Variants in HTT observed in about 807,000 individuals in gnomAD.
HTT encodes huntingtin.
HTT carries 104 observed loss-of-function variants against 362.3 expected under a neutral mutation model. The observed-to-expected ratio is 0.29, with a 90% CI of 0.24 to 0.34. The LOEUF (loss-of-function observed/expected upper bound fraction) is 0.34. HTT is among the 10% of genes least tolerant of loss of function. The pLI is 1.00. For synonymous variants in HTT, 1,577 were observed against 1,548.7 expected (o/e 1.02, Z -0.43); for missense variants, 3,301 against 3,928.6 (o/e 0.84, Z 4.27).
At chr4:3,196,470 C>G (rs1719261813) in intron 40 of HTT, among the ~76,000 whole-genome samples, 1 of 152,188 alleles carries the variant, frequency 6.6e-6, no homozygotes. Context: ...GGTGTGGTGG[C>G]TCACACCTGT....
intron 35 of HTT, among the ~76,000 whole-genome samples, chr4:3,179,585 T>TCG (rs1293679276): frequency 6.6e-6 from 1 of 151,554 alleles, no homozygotes; most frequent in Admixed American, 6.6e-5. Flanking sequence ...AGAGGGTGCC[T>TCG]CGCGTGTGTG....
chr4:3,204,276 C>T (rs1183534709), intron 42 of HTT, 128 bp downstream of exon 42: 3 of 833,304 alleles, frequency 3.6e-6, no homozygotes, highest in East Asian at 4.9e-5. Context: ...TCCATCGAAA[C>T]TAAATCTAGA....
chr4:3,079,738 A>G (rs909252273), intron 1 of HTT, among the ~76,000 whole-genome samples: 1 of 152,178 alleles, frequency 6.6e-6, no homozygotes, highest in Non-Finnish European at 1.5e-5. Context: ...CTGAATTTCA[A>G]TCTTAAGTGA....
chr4:3,166,885 T>G (rs1026909661), intron 29 of HTT, among the ~76,000 whole-genome samples: 2 of 152,232 alleles, frequency 1.3e-5, no homozygotes, highest in Non-Finnish European at 2.9e-5. Flanking sequence ...CCCCGACCCC[T>G]TGTGCTTCCC....
chr4:3,199,764 A>C lies in HTT; in HGVS notation c.5401A>C (p.Arg1801=). 1 of 1,614,174 alleles carries C rather than the reference A, an allele frequency of 6.2e-7. No individual in the cohort carries two copies. Among genetic ancestry groups the C allele is most frequent in the Non-Finnish European group, 8.5e-7 (1 of 1,180,022 alleles). ...CCGGAGAATCACAGCAGCTGCCACT[A>C]GGCTGTTCCGCAGTGATGGCTGTGG... The part of the protein sequence containing the change: ...MFRRITAAAT[R]LFRSDGCGGS... The change falls in exon 41 of 67, where the codon AGG becomes CGG. Residue 1801 remains arginine (R), a synonymous_variant. Coordinates refer to ENST00000355072, the MANE Select transcript of HTT (RefSeq NM_001388492.1).
At chr4:3,212,740 T>C in intron 49 of HTT, 31 bp downstream of exon 49, 9 of 1,613,314 alleles carry the variant, frequency 5.6e-6, no homozygotes, top group Non-Finnish European at 6.8e-6. Flanking sequence ...TCAGTGTTGC[T>C]GTGGGGAGGG....
intron 29 of HTT, among the ~76,000 whole-genome samples, chr4:3,163,239 C>G (rs765426791): frequency 6.6e-6 from 1 of 152,112 alleles, no homozygotes; most frequent in Non-Finnish European, 1.5e-5. Flanking sequence ...TATTGATTTG[C>G]GTATGTTGAA....
chr4:3,177,844 T>C (rs1019393222), intron 34 of HTT, among the ~76,000 whole-genome samples: 1 of 152,248 alleles, frequency 6.6e-6, no homozygotes, highest in Non-Finnish European at 1.5e-5. Context: ...AAAATTCTTT[T>C]AGTACCTAAA....
At chr4:3,237,946 A>T (rs762478774) in intron 64 of HTT, among the ~76,000 whole-genome samples, 1 of 152,204 alleles carries the variant, frequency 6.6e-6, no homozygotes, top group Non-Finnish European at 1.5e-5. Context: ...ACACATAGGG[A>T]TGTTTGTGGA....
chr4:3,091,882 G>T (rs1207232129), intron 2 of HTT, among the ~76,000 whole-genome samples: 2 of 152,318 alleles, frequency 1.3e-5, no homozygotes, highest in Non-Finnish European at 2.9e-5. Flanking sequence ...TTATATGTCT[G>T]ACCTAGCAGT....
intron 4 of HTT, 73 bp from the exon 5 acceptor site, chr4:3,105,284 T>C: frequency 4.1e-6 from 4 of 981,708 alleles, no homozygotes; most frequent in Non-Finnish European, 6.5e-6. Flanking sequence ...GGAAAGAAAA[T>C]GCTTCGTTTC....
Position 3,099,689 on chromosome 4 carries a change from G to C in HTT, c.468+295G>C, listed in dbSNP as rs574297886. On this transcript the variant is annotated intron_variant, in intron 3 of 66. Transcript: ENST00000355072. ...GAGGTGCTCTGTTGTATGGTTTGGAGGTGGTCTTGTATGGTTTGCAGGTGC... is the reference window on the plus strand; with the variant it reads ...GAGGTGCTCTGTTGTATGGTTTGGACGTGGTCTTGTATGGTTTGCAGGTGC... Among the ~76,000 whole-genome samples the C allele has an allele frequency of 1.9e-4, 28 of 150,256 alleles. 2 individuals are homozygous for C. Among genetic ancestry groups the C allele is most frequent in the Admixed American group, 8.0e-4 (12 of 15,070 alleles).
At chr4:3,186,886 T>A (rs1002382237) in intron 38 of HTT, among the ~76,000 whole-genome samples, 167 bp downstream of exon 38, 10 of 138,216 alleles carry the variant, frequency 7.2e-5, no homozygotes, top group Non-Finnish European at 1.1e-4. Flanking sequence ...CGGAACAGAG[T>A]CTCACTCTGT....
chr4:3,233,123 C>G, intron 60 of HTT, 40 bp from the exon 61 acceptor site: 1 of 1,532,840 alleles, frequency 6.5e-7, no homozygotes, highest in South Asian at 1.2e-5. Flanking sequence ...GGGACGTGAG[C>G]TCTGGTGGCA....
At position 3,107,370 on chromosome 4, in the gene HTT, G is replaced by A. The variant is rs749243291; in HGVS notation, c.694G>A (p.Val232Ile). 10 of 1,614,098 alleles carry A rather than the reference G, an allele frequency of 6.2e-6. No individual in the cohort carries two copies. The highest frequency in any genetic ancestry group is 1.7e-5 in the Admixed American group (1 of 60,010). ...ESVQETLAAA[V>I]PKIMASFGNF... ...AGTCCAGGAGACCTTGGCTGCAGCT[G>A]TTCCCAAAATTATGGCTTCTTTTGG... The change falls in exon 6 of 67, where the codon GTT becomes ATT. Residue 232 changes from valine to isoleucine, a missense_variant. By Grantham distance (29) the Val-to-Ile change is conservative. Around this residue, in one of 4 missense-constraint regions of HTT, gnomAD observed 2,316 missense variants for 2,658.5 expected, o/e 0.87. Transcript: ENST00000355072.
intron 41 of HTT, among the ~76,000 whole-genome samples, chr4:3,201,422 C>T (rs901364384): frequency 6.7e-6 from 1 of 149,902 alleles, no homozygotes; most frequent in African/African-American, 2.5e-5. Flanking sequence ...CCCTGCTACT[C>T]AGAAGGCTGA....
At chr4:3,171,363 C>T (rs555658712) in intron 29 of HTT, among the ~76,000 whole-genome samples, 4 of 151,950 alleles carry the variant, frequency 2.6e-5, no homozygotes, top group East Asian at 3.9e-4. Flanking sequence ...GAAACCAGTT[C>T]GTGATTAGCC....
chr4:3,132,342 G>A (rs1330151983), intron 16 of HTT, among the ~76,000 whole-genome samples: 2 of 151,874 alleles, frequency 1.3e-5, no homozygotes, highest in Non-Finnish European at 2.9e-5. Flanking sequence ...CAGAAAGTCT[G>A]TGGTATTGAG....
intron 38 of HTT, 117 bp downstream of exon 38, chr4:3,186,836 T>TTTG: frequency 1.4e-6 from 1 of 697,510 alleles, no homozygotes. Context: ...CTTGAGAGTT[T>TTTG]GCTTTTTTTT....
Sources: allele counts gnomAD v4.1 joint callset (sites outside exome capture counted in the v4.1 genomes callset), GRCh38; gene constraint gnomAD v4.1.1; regional missense constraint gnomAD v4.1.1; transcripts MANE v1.5; gene names NCBI Gene and HGNC (gene_info 2026-07-23, HGNC 2026-07-21).